Variants in ZC3H15 observed in about 807,000 individuals in gnomAD.
ZC3H15 encodes zinc finger CCCH domain-containing protein 15.
Under a neutral mutation model 51.2 loss-of-function variants are expected in ZC3H15, and 15 were observed. The ratio of observed to expected loss-of-function variants is 0.29; its 90% CI spans 0.20 to 0.45. ZC3H15 has a LOEUF of 0.45. Among genes scored for constraint, ZC3H15 ranks in the 20% least tolerant of loss-of-function variants. ZC3H15 has a pLI of 1.00. For missense variants in ZC3H15, 381 were observed against 494.7 expected, an observed-to-expected ratio of 0.77 and a Z score of 2.18; for synonymous variants, 144 against 162.8, an observed-to-expected ratio of 0.88 and a Z score of 0.88.
At position 186,506,580 on chromosome 2, in the gene ZC3H15, C is replaced by CCACACCCT. The variant is rs1685470965; in HGVS notation, c.967-127_967-126insCTCACACC. 8 of 999,402 alleles carry CCACACCCT rather than the reference C, an allele frequency of 8.0e-6. 1 individual carries two copies. The highest frequency in any genetic ancestry group is 1.1e-5 in the Non-Finnish European group (8 of 702,664). The allele number at this position is 999,402 out of a possible 1,614,324, so 61.9% of individuals were successfully genotyped here. A position where few individuals can be genotyped will look rare whatever the true frequency, so the allele number is the denominator to read the frequency against. On this transcript the variant is annotated intron_variant, in intron 8 of 9. Coordinates refer to ENST00000337859, the MANE Select transcript of ZC3H15 (RefSeq NM_018471.3). ...GTGTTGGGATTACAGGTGTGAGCCT[C>CCACACCCT]CACACCTGGCCAGTAATTGGTCTTT...
chr2:186,501,860 T>TG (rs1685390497), intron 4 of ZC3H15, among the ~76,000 whole-genome samples: 1 of 151,898 alleles, frequency 6.6e-6, no homozygotes, highest in Non-Finnish European at 1.5e-5. Context: ...TACAGGGTCG[T>TG]GCCGCCACGC....
intron 1 of ZC3H15, among the ~76,000 whole-genome samples, chr2:186,490,950 T>C (rs2105585395): frequency 6.6e-6 from 1 of 152,324 alleles, no homozygotes; most frequent in East Asian, 1.9e-4. Context: ...ATTATTCTCC[T>C]AGTTTTATTT....
At chr2:186,508,449 A>T in intron 9 of ZC3H15, 94 bp from the exon 10 acceptor site, 1 of 1,077,374 alleles carries the variant, frequency 9.3e-7, no homozygotes, top group Non-Finnish European at 1.3e-6. Flanking sequence ...GAAAAGGAAA[A>T]GAGGAAGTGT....
intron 1 of ZC3H15, among the ~76,000 whole-genome samples, chr2:186,490,514 C>G (rs1340989122): frequency 6.6e-6 from 1 of 152,132 alleles, no homozygotes; most frequent in African/African-American, 2.4e-5. Flanking sequence ...CTGGATTAAC[C>G]AGTTGCATAA....
chr2:186,507,895 C>T (rs1685492521), intron 9 of ZC3H15, among the ~76,000 whole-genome samples: 1 of 152,130 alleles, frequency 6.6e-6, no homozygotes, highest in Non-Finnish European at 1.5e-5. Context: ...ATAAAATTCC[C>T]AAGACTTTGT....
Position 186,486,564 on chromosome 2 carries a change from T to A in ZC3H15, c.75+107T>A. 3.1e-6 allele frequency: 4 copies of A among 1,273,098 alleles called. No homozygotes were observed. In the South Asian group the frequency reaches 6.0e-5, roughly 19 times the overall value. 78.9% of individuals were successfully genotyped at this position (1,273,098 alleles called of 1,614,324 possible). ...CTCGCTTCCTCGGGCCACGTGTTCC[T>A]CCCTTAGGCCTGTGTGGCCCACTGC... On this transcript the variant is annotated intron_variant, in intron 1 of 9. Transcript: ENST00000337859.
chr2:186,502,367 C>A, intron 4 of ZC3H15, 129 bp from the exon 5 acceptor site: 1 of 718,396 alleles, frequency 1.4e-6, no homozygotes, highest in Non-Finnish European at 2.1e-6. Flanking sequence ...GAGACCCCGT[C>A]TCAACAAAAA....
intron 8 of ZC3H15, among the ~76,000 whole-genome samples, chr2:186,506,423 C>T (rs985434468): frequency 3.3e-5 from 5 of 152,082 alleles, no homozygotes; most frequent in East Asian, 3.9e-4. Context: ...TCTTTTTAAA[C>T]GAAGTTTAGA....
chr2:186,501,176 G>T, intron 3 of ZC3H15, 97 bp from the exon 4 acceptor site: 1 of 1,338,518 alleles, frequency 7.5e-7, no homozygotes, highest in Non-Finnish European at 9.9e-7. Flanking sequence ...TCAGTGAATG[G>T]AAAATAAGTT....
At position 186,486,327 on chromosome 2, in the gene ZC3H15, A is replaced by T; in HGVS notation, c.-56A>T. 1 of 1,467,968 alleles carries T rather than the reference A, an allele frequency of 6.8e-7. No individual in the cohort carries two copies. The highest frequency in any genetic ancestry group is 9.1e-7 in the Non-Finnish European group (1 of 1,099,506). 90.9% of individuals were successfully genotyped at this position (1,467,968 alleles called of 1,614,324 possible). A position where few individuals can be genotyped will look rare whatever the true frequency, so the allele number is the denominator to read the frequency against. On this transcript the variant is annotated 5_prime_UTR_variant, in exon 1 of 10. Transcript: ENST00000337859. ...CCTCCTCGTCCTGCCGCAGGGCCAG[A>T]ACCCCTGACGGTATTCAGCTGCGCG... is the stretch of plus-strand genomic sequence containing the variant.
intron 1 of ZC3H15, among the ~76,000 whole-genome samples, chr2:186,494,764 G>T (rs1050559532): frequency 6.6e-6 from 1 of 151,982 alleles, no homozygotes; most frequent in African/African-American, 2.4e-5. Flanking sequence ...GGTGGGAATC[G>T]AACAATGAGA....
intron 2 of ZC3H15, among the ~76,000 whole-genome samples, chr2:186,498,545 A>T (rs937562591): frequency 2.6e-5 from 4 of 152,116 alleles, no homozygotes; most frequent in Non-Finnish European, 5.9e-5. Context: ...AGCGACTTAA[A>T]TTTTTTCTTT....
chr2:186,499,330 A>G (rs1382218863), intron 2 of ZC3H15, among the ~76,000 whole-genome samples: 5 of 152,078 alleles, frequency 3.3e-5, no homozygotes, highest in Non-Finnish European at 7.3e-5. Context: ...TGTTCAAGCT[A>G]CTGATGCAAT....
intron 1 of ZC3H15, among the ~76,000 whole-genome samples, chr2:186,488,055 G>A (rs1685133803): frequency 6.6e-6 from 1 of 151,934 alleles, no homozygotes; most frequent in African/African-American, 2.4e-5. Context: ...TATCTCCAAA[G>A]AAAAATGCAA....
intron 9 of ZC3H15, among the ~76,000 whole-genome samples, chr2:186,507,985 A>G (rs768468897): frequency 1.3e-5 from 2 of 152,244 alleles, no homozygotes; most frequent in Non-Finnish European, 2.9e-5. Context: ...GCATTGAACA[A>G]GAAAAGGCAG....
chr2:186,508,668 CTT>C lies in ZC3H15; in HGVS notation c.1219_1220del (p.Phe407HisfsTer7). 1 of 1,614,078 alleles carries C rather than the reference CTT, an allele frequency of 6.2e-7. No individual in the cohort carries two copies. The highest frequency in any genetic ancestry group is 8.5e-7 in the Non-Finnish European group (1 of 1,180,004). Reference protein sequence around the residue: ...AIDAVPVDENLFTGEDLDELE... With the variant: ...AIDAVPVDENXFTGEDLDELE... The stretch of plus-strand genomic sequence containing the variant: ...TGATGCTGTTCCTGTTGATGAAAAT[CTT>C]TTCACTGGAGAGGATTTGGATGAAC... On this transcript the variant is annotated frameshift_variant, in exon 10 of 10. Transcript: ENST00000337859. LOFTEE classifies it high-confidence loss of function.
At chr2:186,497,132 T>G (rs1457043652) in intron 2 of ZC3H15, 1 of 444,920 alleles carries the variant, frequency 2.2e-6, no homozygotes, top group South Asian at 1.6e-5. Flanking sequence ...ATTTTTAAAG[T>G]ACATTTTTCC....
At chr2:186,499,603 C>CT in intron 2 of ZC3H15, 1 of 455,798 alleles carries the variant, frequency 2.2e-6, no homozygotes, top group Non-Finnish European at 4.4e-6. Flanking sequence ...ATTGTATTCT[C>CT]TGTCATCTAA....
rs114772474 is a variant in ZC3H15, at chr2:186,504,469, T to C, written c.717+255T>C. On this transcript the variant is annotated intron_variant, in intron 6 of 9. Coordinates refer to ENST00000337859, the MANE Select transcript of ZC3H15 (RefSeq NM_018471.3). ...TACTAGCTAATGGCTTATCAAATTA[T>C]TTCTGTAAGATTGAGTTACTAAAAA... 4.6e-3 allele frequency among the ~76,000 whole-genome samples: 703 copies of C among 152,340 alleles called. 7 individuals are homozygous for C. The highest frequency in any genetic ancestry group is 0.016 in the African/African-American group (665 of 41,592).
Sources: gnomAD v4.1 joint callset for allele counts (sites outside exome capture counted in the v4.1 genomes callset) on GRCh38, gnomAD v4.1.1 for gene constraint, MANE v1.5 for transcripts, NCBI Gene and HGNC (gene_info 2026-07-23, HGNC 2026-07-21) for gene names.